CTNNA2: variants seen among roughly 807,000 people sequenced by gnomAD.
CTNNA2 encodes catenin alpha-2.
Under a neutral mutation model 101.0 loss-of-function variants are expected in CTNNA2, and 42 were observed. The ratio of observed to expected loss-of-function variants is 0.42; its 90% confidence interval spans 0.32 to 0.54. CTNNA2 has a LOEUF of 0.54. Ranked by LOEUF, CTNNA2 falls within the 20% of genes least tolerant of loss-of-function variation. The probability of loss-of-function intolerance (pLI) is 0.14; values close to 1 mark genes in which losing one functional copy is unlikely to be tolerated. For synonymous variants in CTNNA2, 450 were observed against 456.4 expected, an observed-to-expected ratio of 0.99 and a Z score of 0.18; for missense variants, 871 against 1,223.1, an observed-to-expected ratio of 0.71 and a Z score of 4.29.
chr2:80,272,558 A>G (rs1200801940), intron 7 of CTNNA2, among the ~76,000 whole-genome samples: 1 of 152,188 alleles, frequency 6.6e-6, no homozygotes, highest in African/African-American at 2.4e-5. Flanking sequence ...GGAAACAGGG[A>G]AAACTACATT....
At chr2:80,081,495 C>T (rs1699143227) in intron 7 of CTNNA2, among the ~76,000 whole-genome samples, 1 of 146,086 alleles carries the variant, frequency 6.8e-6, no homozygotes, top group Non-Finnish European at 1.5e-5. Context: ...TCTCTCTCTC[C>T]CTCCCTCCCT....
chr2:80,564,482 G>T (rs1465852211), intron 12 of CTNNA2, among the ~76,000 whole-genome samples: 1 of 150,630 alleles, frequency 6.6e-6, no homozygotes, highest in Non-Finnish European at 1.5e-5. Flanking sequence ...TTCTTTTAGG[G>T]TAGTTGTCGT....
At chr2:79,254,934 A>T (rs1674822301) in intron 2 of CTNNA2, among the ~76,000 whole-genome samples, 1 of 152,214 alleles carries the variant, frequency 6.6e-6, no homozygotes, top group Non-Finnish European at 1.5e-5. Context: ...AGGGGCAAGG[A>T]TGATGCATTA....
intron 4 of CTNNA2, among the ~76,000 whole-genome samples, chr2:79,503,444 C>A (rs1029177913): frequency 6.6e-6 from 1 of 152,074 alleles, no homozygotes; most frequent in African/African-American, 2.4e-5. Context: ...TGCTTCTGAC[C>A]AAAGAACTTA....
At chr2:80,066,764 T>A (rs972085467) in intron 7 of CTNNA2, among the ~76,000 whole-genome samples, 11 of 152,204 alleles carry the variant, frequency 7.2e-5, no homozygotes, top group Non-Finnish European at 1.3e-4. Flanking sequence ...GAAATCAGTA[T>A]GTTGAAAAGA....
At chr2:79,389,855 G>T (rs1315124922) in intron 4 of CTNNA2, among the ~76,000 whole-genome samples, 2 of 152,084 alleles carry the variant, frequency 1.3e-5, no homozygotes, top group Non-Finnish European at 2.9e-5. Context: ...ATAATCAATG[G>T]TATGCCTTCT....
intron 4 of CTNNA2, among the ~76,000 whole-genome samples, chr2:79,463,416 A>G (rs980895330): frequency 6.7e-6 from 1 of 149,408 alleles, no homozygotes; most frequent in African/African-American, 2.5e-5. Flanking sequence ...AAAAAAAAAG[A>G]AAGTCCTGCT....
intron 7 of CTNNA2, among the ~76,000 whole-genome samples, chr2:79,997,981 T>C (rs1692676144): frequency 6.6e-6 from 1 of 152,168 alleles, no homozygotes; most frequent in Admixed American, 6.5e-5. Flanking sequence ...GGGTGATAAA[T>C]AGTTAACCGA....
At chr2:80,108,492 C>T (rs1313952168) in intron 7 of CTNNA2, among the ~76,000 whole-genome samples, 1 of 152,218 alleles carries the variant, frequency 6.6e-6, no homozygotes, top group Non-Finnish European at 1.5e-5. Context: ...GCACATGCCA[C>T]TCCTCCATCC....
intron 4 of CTNNA2, among the ~76,000 whole-genome samples, chr2:79,385,684 GC>G (rs982626179): frequency 6.6e-6 from 1 of 151,200 alleles, no homozygotes; most frequent in Non-Finnish European, 1.5e-5. Flanking sequence ...CCCTCCCCTT[GC>G]CCACCACCCC....
At chr2:79,740,841 T>TA (rs1671241078) in intron 2 of CTNNA2, among the ~76,000 whole-genome samples, 2 of 151,930 alleles carry the variant, frequency 1.3e-5, no homozygotes, top group Non-Finnish European at 2.9e-5. Context: ...TTTTTTTTTT[T>TA]AACGTATGGT....
chr2:80,309,287 T>A (rs1411776365), intron 7 of CTNNA2, among the ~76,000 whole-genome samples: 1 of 152,174 alleles, frequency 6.6e-6, no homozygotes, highest in African/African-American at 2.4e-5. Context: ...ATTTTAACTA[T>A]CCTTCAAGGT....
chr2:79,552,988 C>T (rs1674208404), intron 1 of CTNNA2, among the ~76,000 whole-genome samples: 1 of 152,194 alleles, frequency 6.6e-6, no homozygotes, highest in Admixed American at 6.5e-5. Flanking sequence ...CAAATTTCTG[C>T]AGCTGGCTTG....
chr2:80,443,871 A>G (rs145993134), intron 9 of CTNNA2, among the ~76,000 whole-genome samples: 179 of 152,352 alleles, frequency 1.2e-3, no homozygotes, highest in African/African-American at 4.1e-3. Context: ...GACTTGTGTT[A>G]TATATTTCCT....
chr2:80,129,306 C>A (rs1702292977), intron 7 of CTNNA2, among the ~76,000 whole-genome samples: 1 of 152,214 alleles, frequency 6.6e-6, no homozygotes, highest in Admixed American at 6.5e-5. Context: ...GCAGGAATTA[C>A]CACTGTAGCC....
chr2:80,183,634 C>T (rs1381474553), intron 7 of CTNNA2, among the ~76,000 whole-genome samples: 2 of 152,144 alleles, frequency 1.3e-5, no homozygotes, highest in Non-Finnish European at 2.9e-5. Flanking sequence ...TTCCATTGCT[C>T]ACTGCAGCCG....
chr2:80,068,016 C>T (rs1008791640), intron 7 of CTNNA2, among the ~76,000 whole-genome samples: 1 of 152,222 alleles, frequency 6.6e-6, no homozygotes. Flanking sequence ...TCCACAGAAA[C>T]TATGAGAGAT....
intron 8 of CTNNA2, among the ~76,000 whole-genome samples, chr2:80,410,242 T>C (rs555508040): frequency 6.6e-5 from 10 of 152,352 alleles, no homozygotes; most frequent in Admixed American, 6.5e-4. Flanking sequence ...AGTTTGTTTT[T>C]CTTTTTGAGT....
At chr2:79,777,287 C>T (rs542552995) in intron 3 of CTNNA2, among the ~76,000 whole-genome samples, 1 of 151,156 alleles carries the variant, frequency 6.6e-6, no homozygotes, top group South Asian at 2.1e-4. Flanking sequence ...TAAGAACAGC[C>T]AATATTTACT....
Sources: allele counts gnomAD v4.1 joint callset (sites outside exome capture counted in the v4.1 genomes callset), GRCh38; gene constraint gnomAD v4.1.1; transcripts MANE v1.5; gene names NCBI Gene and HGNC (gene_info 2026-07-23, HGNC 2026-07-21).